RGS7: variants seen among roughly 807,000 people sequenced by gnomAD.
RGS7 encodes regulator of G-protein signaling 7.
RGS7 carries 27 observed loss-of-function variants against 81.1 expected under a neutral mutation model. The ratio of observed to expected loss-of-function variants is 0.33; its 90% confidence interval spans 0.25 to 0.46. The LOEUF is 0.46. RGS7 is among the 20% of genes least tolerant of loss of function. The pLI is 1.00. For missense variants in RGS7, 396 were observed against 607.4 expected (o/e 0.65, Z 3.66); for synonymous variants, 208 against 207.7 (o/e 1.00, Z -0.01).
chr1:240,958,191 C>G (rs2255120), intron 4 of RGS7, among the ~76,000 whole-genome samples: 1 of 152,232 alleles, frequency 6.6e-6, no homozygotes, highest in East Asian at 1.9e-4. Flanking sequence ...TCTGAGAAGG[C>G]GAAATCTTTG....
At chr1:241,094,663 A>G (rs561450190) in intron 3 of RGS7, among the ~76,000 whole-genome samples, 2 of 152,368 alleles carry the variant, frequency 1.3e-5, no homozygotes, top group Non-Finnish European at 1.5e-5. Flanking sequence ...TCACTGGACA[A>G]AATGCATTTA....
chr1:241,254,072 C>T (rs1056334542), intron 2 of RGS7, among the ~76,000 whole-genome samples: 6 of 151,742 alleles, frequency 4.0e-5, no homozygotes, highest in South Asian at 2.1e-4. Flanking sequence ...TAGTGGTGGG[C>T]GCCTGTAGTC....
At chr1:240,853,900 CAAAAAAAAAAAAAA>C (rs35471716) in intron 9 of RGS7, among the ~76,000 whole-genome samples, 1 of 22,258 alleles carries the variant, frequency 4.5e-5, no homozygotes, top group East Asian at 2.4e-3. Context: ...GACTCCGTCT[CAAAAAAAAAAAAAA>C]AAAAAAAAAA....
intron 3 of RGS7, among the ~76,000 whole-genome samples, chr1:241,076,890 A>C (rs768127701): frequency 1.3e-5 from 2 of 152,190 alleles, no homozygotes; most frequent in Non-Finnish European, 2.9e-5. Flanking sequence ...TTTTGTTCTC[A>C]TGGTAAAAAT....
At chr1:240,928,807 C>T (rs960951657) in intron 6 of RGS7, among the ~76,000 whole-genome samples, 1 of 151,766 alleles carries the variant, frequency 6.6e-6, no homozygotes, top group African/African-American at 2.4e-5. Context: ...GATGGGGTTT[C>T]GTCATGTTGG....
chr1:241,250,604 G>A (rs2076783000), intron 2 of RGS7, among the ~76,000 whole-genome samples: 1 of 152,128 alleles, frequency 6.6e-6, no homozygotes, highest in Non-Finnish European at 1.5e-5. Context: ...CTCCTATTGG[G>A]TCTGCAGGCC....
chr1:241,204,574 G>C (rs1185726908), intron 2 of RGS7, among the ~76,000 whole-genome samples: 1 of 152,010 alleles, frequency 6.6e-6, no homozygotes, highest in Non-Finnish European at 1.5e-5. Flanking sequence ...ATTTATAATA[G>C]AAATGTTTAA....
chr1:241,337,860 T>C (rs965557413), intron 2 of RGS7, among the ~76,000 whole-genome samples: 2 of 152,218 alleles, frequency 1.3e-5, no homozygotes, highest in African/African-American at 4.8e-5. Flanking sequence ...TTTACTGGAT[T>C]ATTTATTTGC....
At chr1:240,969,931 G>A (rs769448351) in intron 4 of RGS7, among the ~76,000 whole-genome samples, 6 of 152,114 alleles carry the variant, frequency 3.9e-5, no homozygotes, top group Non-Finnish European at 5.9e-5. Flanking sequence ...TCTCCTATTC[G>A]CTTCATGATC....
At chr1:240,801,600 G>C (rs1372860217) in intron 16 of RGS7, 92 bp from the exon 17 acceptor site, 1 of 904,628 alleles carries the variant, frequency 1.1e-6, no homozygotes, top group Non-Finnish European at 1.8e-6. Context: ...AAAAAGACAG[G>C]ATAATGAAAT....
intron 6 of RGS7, among the ~76,000 whole-genome samples, chr1:240,892,497 C>T (rs1326682053): frequency 6.6e-6 from 1 of 152,184 alleles, no homozygotes; most frequent in East Asian, 1.9e-4. Context: ...TAAAACGTTG[C>T]TTTTCACAGC....
At chr1:241,053,624 A>C (rs920225979) in intron 3 of RGS7, among the ~76,000 whole-genome samples, 1 of 152,226 alleles carries the variant, frequency 6.6e-6, no homozygotes, top group East Asian at 1.9e-4. Flanking sequence ...TTATCATCGT[A>C]AGATTTTTGG....
At chr1:240,796,017 C>T (rs2103030477) in intron 18 of RGS7, among the ~76,000 whole-genome samples, 1 of 152,142 alleles carries the variant, frequency 6.6e-6, no homozygotes, top group Non-Finnish European at 1.5e-5. Context: ...GAACTCTTGG[C>T]CTAGAGCCAC....
chr1:241,221,167 G>A lies in RGS7; in HGVS notation c.79-122405C>T, dbSNP rs554234476. On this transcript the variant is annotated intron_variant, in intron 2 of 18. Coordinates refer to ENST00000440928, the MANE Select transcript of RGS7 (RefSeq NM_001364886.1). ...GAAAAAAGAAAACAAAAGAAGGAAG[G>A]AAGGGGAAAAAAGAAAGAGAGAAAG... Among the ~76,000 whole-genome samples the A allele has an allele frequency of 4.0e-5, 6 of 149,796 alleles. No individual in the cohort carries two copies. The South Asian group carries it at 1.3e-3, about 32-fold the overall frequency.
intron 6 of RGS7, among the ~76,000 whole-genome samples, chr1:240,911,590 T>C (rs2148251977): frequency 6.6e-6 from 1 of 152,320 alleles, no homozygotes; most frequent in South Asian, 2.1e-4. Flanking sequence ...GGATAGCCAC[T>C]GCATACTGGG....
At chr1:241,142,557 C>T (rs568628836) in intron 2 of RGS7, among the ~76,000 whole-genome samples, 2 of 152,322 alleles carry the variant, frequency 1.3e-5, no homozygotes, top group East Asian at 1.9e-4. Flanking sequence ...CTGAGCTCTA[C>T]GTTGACCCCT....
chr1:241,112,039 G>A (rs888689085), intron 2 of RGS7, among the ~76,000 whole-genome samples: 1 of 152,046 alleles, frequency 6.6e-6, no homozygotes, highest in African/African-American at 2.4e-5. Flanking sequence ...ACACACAATA[G>A]ATGCCTCAGG....
At chr1:241,327,130 G>GAAAGAAAGA (rs1558321606) in intron 2 of RGS7, among the ~76,000 whole-genome samples, 3 of 101,848 alleles carry the variant, frequency 2.9e-5, no homozygotes, top group African/African-American at 9.9e-5. Flanking sequence ...AAGAAAGAAA[G>GAAAGAAAGA]AAAGAAAGAA....
chr1:241,018,133 A>ATTTTTTTTTTTTTTT (rs34587479), intron 3 of RGS7, among the ~76,000 whole-genome samples: 5 of 114,440 alleles, frequency 4.4e-5, no homozygotes, highest in Non-Finnish European at 3.5e-5. Context: ...TGCCCAGCTA[A>ATTTTTTTTTTTTTTT]TTTTTTTTTT....
Sources: allele counts gnomAD v4.1 joint callset (sites outside exome capture counted in the v4.1 genomes callset), GRCh38; gene constraint gnomAD v4.1.1; transcripts MANE v1.5; gene names NCBI Gene and HGNC (gene_info 2026-07-23, HGNC 2026-07-21).